BCR: variants seen among roughly 807,000 people sequenced by gnomAD.
The protein encoded by BCR is breakpoint cluster region protein.
In BCR, 58 loss-of-function variants were observed where a neutral mutation model predicts 138.6. That is an observed-to-expected ratio of 0.42 (90% CI 0.34 to 0.52). The LOEUF (loss-of-function observed/expected upper bound fraction) is 0.52. BCR is among the 20% of genes least tolerant of loss of function. The pLI is 0.06. For missense variants in BCR, 1,599 were observed against 1,727.2 expected (o/e 0.93, Z 1.32); for synonymous variants, 786 against 730.1 (o/e 1.08, Z -1.23).
intron 10 of BCR, 131 bp from the exon 11 acceptor site, chr22:23,287,028 T>C: frequency 6.8e-7 from 1 of 1,475,398 alleles, no homozygotes; most frequent in Non-Finnish European, 9.1e-7. Context: ...GGCCCTGGTC[T>C]GTGCTGAGTG....
chr22:23,285,588 T>G (rs144549136), intron 10 of BCR, among the ~76,000 whole-genome samples: 1 of 152,298 alleles, frequency 6.6e-6, no homozygotes, highest in Non-Finnish European at 1.5e-5. Flanking sequence ...TGTGTCCAGT[T>G]TATGCCCACC....
chr22:23,212,458 A>C (rs933211073), intron 1 of BCR, among the ~76,000 whole-genome samples: 3 of 152,206 alleles, frequency 2.0e-5, no homozygotes, highest in Admixed American at 2.0e-4. Flanking sequence ...CAGGGAGTAC[A>C]CTGGCTTCTG....
intron 4 of BCR, chr22:23,263,144 G>T (rs866917535): frequency 5.5e-6 from 4 of 731,336 alleles, no homozygotes; most frequent in African/African-American, 5.3e-5. Flanking sequence ...CCATGGCGGC[G>T]GCAGCCAGGG....
At chr22:23,260,830 C>T (rs755700880) in intron 2 of BCR, 120 bp from the exon 3 acceptor site, 16 of 922,578 alleles carry the variant, frequency 1.7e-5, no homozygotes, top group Middle Eastern at 2.9e-4. Context: ...CATGTGGAGC[C>T]TTTGTGGGGG....
chr22:23,209,358 T>C (rs2146217557), intron 1 of BCR, among the ~76,000 whole-genome samples: 1 of 147,950 alleles, frequency 6.8e-6, no homozygotes, highest in East Asian at 2.0e-4. Context: ...AGACTCTGTC[T>C]CAAAAAAAAA....
intron 22 of BCR, 100 bp downstream of exon 22, chr22:23,314,814 A>G (rs2074050399): frequency 1.4e-6 from 2 of 1,448,318 alleles, no homozygotes; most frequent in Non-Finnish European, 1.9e-6. Flanking sequence ...CTTGCATTGT[A>G]TGTGGTGTGG....
chr22:23,247,731 C>T (rs1262027441), intron 1 of BCR, among the ~76,000 whole-genome samples: 1 of 152,208 alleles, frequency 6.6e-6, no homozygotes, highest in East Asian at 1.9e-4. Flanking sequence ...GTTCTGCATG[C>T]ATTTCCTGGG....
At chr22:23,223,286 G>A (rs1227519953) in intron 1 of BCR, among the ~76,000 whole-genome samples, 1 of 152,058 alleles carries the variant, frequency 6.6e-6, no homozygotes, top group Non-Finnish European at 1.5e-5. Flanking sequence ...GTGAGTGTGA[G>A]CATGTGTGAG....
chr22:23,205,646 T>A (rs2072604390), intron 1 of BCR, among the ~76,000 whole-genome samples: 1 of 151,810 alleles, frequency 6.6e-6, no homozygotes, highest in African/African-American at 2.4e-5. Context: ...CCAATAATTT[T>A]TTTTTTTTTT....
chr22:23,242,778 G>A, intron 1 of BCR: 1 of 439,206 alleles, frequency 2.3e-6, no homozygotes, highest in Non-Finnish European at 4.6e-6. Context: ...AATGCCACAA[G>A]CTTAGTGGCT....
Position 23,315,672 on chromosome 22 carries a change from G to T in BCR, c.*150G>T, listed in dbSNP as rs2074063454. ...CAAGAGACAGCGACCCAAAGCCGAA[G>T]GACAGGTGGCCTGGAAAGATCCCGC... On this transcript the variant is annotated 3_prime_UTR_variant, in exon 23 of 23. Transcript: ENST00000305877. 3 of 794,118 alleles carry T rather than the reference G, an allele frequency of 3.8e-6. No homozygotes were observed. Among genetic ancestry groups the T allele is most frequent in the Middle Eastern group, 6.9e-4 (2 of 2,894 alleles). The allele number at this position is 794,118 out of a possible 1,614,324, so 49.2% of individuals were successfully genotyped here.
chr22:23,239,459 C>T (rs2073063500), intron 1 of BCR, among the ~76,000 whole-genome samples: 1 of 152,160 alleles, frequency 6.6e-6, no homozygotes, highest in African/African-American at 2.4e-5. Flanking sequence ...CCCTGGGCTG[C>T]CTCCTACTCT....
At chr22:23,244,150 C>T (rs1268082610) in intron 1 of BCR, among the ~76,000 whole-genome samples, 2 of 152,172 alleles carry the variant, frequency 1.3e-5, no homozygotes, top group Non-Finnish European at 2.9e-5. Flanking sequence ...TTATAGGACA[C>T]CCGGCTGGTG....
At chr22:23,232,803 C>G (rs1418731234) in intron 1 of BCR, among the ~76,000 whole-genome samples, 1 of 152,202 alleles carries the variant, frequency 6.6e-6, no homozygotes, top group Non-Finnish European at 1.5e-5. Context: ...TATTTACAAA[C>G]CATCTGTAGC....
At chr22:23,270,531 G>C (rs984270900) in intron 5 of BCR, among the ~76,000 whole-genome samples, 5 of 152,142 alleles carry the variant, frequency 3.3e-5, no homozygotes, top group Admixed American at 2.6e-4. Flanking sequence ...ACACCCTTTG[G>C]GAACTGCTGA....
At chr22:23,314,154 A>C (rs1602138030) in intron 21 of BCR, 81 bp downstream of exon 21, 3 of 1,124,306 alleles carry the variant, frequency 2.7e-6, no homozygotes, top group Non-Finnish European at 4.0e-6. Flanking sequence ...TAGACCCCCA[A>C]CACCGAGGAC....
chr22:23,243,648 ATT>A (rs34022408), intron 1 of BCR, among the ~76,000 whole-genome samples: 46 of 141,178 alleles, frequency 3.3e-4, no homozygotes, highest in African/African-American at 8.4e-4. Flanking sequence ...TGTTCTAGCA[ATT>A]TTTTTTTTTT....
chr22:23,261,634 G>A, intron 4 of BCR, 94 bp downstream of exon 4: 1 of 1,391,656 alleles, frequency 7.2e-7, no homozygotes, highest in Non-Finnish European at 9.8e-7. Flanking sequence ...GTTTTGCTAT[G>A]TTGGCCAGGC....
At chr22:23,198,315 C>T (rs762780287) in intron 1 of BCR, 25 of 435,678 alleles carry the variant, frequency 5.7e-5, no homozygotes, top group Non-Finnish European at 8.9e-5. Context: ...CATCTTTGTC[C>T]GTGTGCCGAG....
Sources: allele counts gnomAD v4.1 joint callset (sites outside exome capture counted in the v4.1 genomes callset), GRCh38; gene constraint gnomAD v4.1.1; transcripts MANE v1.5; gene names NCBI Gene and HGNC (gene_info 2026-07-23, HGNC 2026-07-21).